PLXNA1: variants seen among roughly 807,000 people sequenced by gnomAD.
The protein encoded by PLXNA1 is plexin A1.
In PLXNA1, 77 loss-of-function variants were observed where a neutral mutation model predicts 191.7. The observed-to-expected ratio is 0.40, with a 90% CI of 0.33 to 0.49. The LOEUF is 0.49. Ranked by LOEUF, PLXNA1 falls within the 20% of genes least tolerant of loss-of-function variation. The pLI, the probability that PLXNA1 is intolerant of heterozygous loss-of-function variation, is 0.63. For synonymous variants in PLXNA1, 1,137 were observed against 1,156.4 expected (o/e 0.98, Z 0.34); for missense variants, 2,110 against 2,660.2 (o/e 0.79, Z 4.55).
chr3:127,010,347 TGTCAGA>T lies in PLXNA1; in HGVS notation c.2113-1599_2113-1594del, dbSNP rs550483794. On this transcript the variant is annotated intron_variant, in intron 9 of 31. Coordinates refer to ENST00000393409, the MANE Select transcript of PLXNA1 (RefSeq NM_032242.4). ...GAGACCCACGCCACTGCAGGCCTCC[TGTCAGA>T]GTCAGAGTCAGGCCAGGTCGAGTCA... Among the ~76,000 whole-genome samples the T allele has an allele frequency of 9.2e-5, 14 of 152,326 alleles. No homozygotes were observed. In the East Asian group the frequency reaches 2.3e-3, roughly 25 times the overall value.
chr3:127,014,958 T>C, intron 14 of PLXNA1, 127 bp downstream of exon 14: 1 of 1,446,200 alleles, frequency 6.9e-7, no homozygotes, highest in South Asian at 1.4e-5. Flanking sequence ...ACGGCCTGGG[T>C]GCTGCCCCTC....
intron 3 of PLXNA1, among the ~76,000 whole-genome samples, chr3:126,997,393 G>A (rs1045828515): frequency 1.3e-5 from 2 of 152,208 alleles, no homozygotes; most frequent in Non-Finnish European, 2.9e-5. Context: ...CAGCATGTGG[G>A]GTCAATGGGC....
chr3:127,018,573 C>T (rs1432037308), intron 20 of PLXNA1, 45 bp downstream of exon 20: 2 of 1,497,186 alleles, frequency 1.3e-6, no homozygotes, highest in African/African-American at 2.7e-5. Flanking sequence ...CACCTCCGAG[C>T]CAGGCCCTGG....
At chr3:127,033,627 A>T (rs1370108981) in intron 31 of PLXNA1, among the ~76,000 whole-genome samples, 1 of 152,138 alleles carries the variant, frequency 6.6e-6, no homozygotes, top group East Asian at 1.9e-4. Context: ...CTCTGCTTTA[A>T]AGGGGCACAG....
At chr3:127,013,138 G>C (rs1035236724) in intron 10 of PLXNA1, among the ~76,000 whole-genome samples, 5 of 152,146 alleles carry the variant, frequency 3.3e-5, no homozygotes, top group Non-Finnish European at 7.4e-5. Flanking sequence ...CAGCCATGAG[G>C]ATCACTCCTG....
intron 7 of PLXNA1, among the ~76,000 whole-genome samples, chr3:127,005,466 C>T (rs564715766): frequency 4.6e-5 from 7 of 152,302 alleles, no homozygotes; most frequent in Admixed American, 3.9e-4. Context: ...AGGTGGACAG[C>T]GGATACATCC....
chr3:127,024,830 C>G (rs1383817318), intron 23 of PLXNA1, among the ~76,000 whole-genome samples: 1 of 152,148 alleles, frequency 6.6e-6, no homozygotes, highest in Non-Finnish European at 1.5e-5. Context: ...AGGGCTGTTT[C>G]CATCCACATA....
chr3:127,008,048 T>A, intron 9 of PLXNA1, 135 bp downstream of exon 9: 1 of 597,478 alleles, frequency 1.7e-6, no homozygotes, highest in South Asian at 2.2e-5. Flanking sequence ...GTGTGGTGCA[T>A]GCACCACCAG....
At position 127,004,898 on chromosome 3, in the gene PLXNA1, G is replaced by A; in HGVS notation, c.1633G>A (p.Asp545Asn). The change falls in exon 6 of 32, where the codon GAC (aspartate) becomes AAC (asparagine). Residue 545 changes from aspartate to asparagine, a missense_variant. Around this residue, in one of 4 missense-constraint regions of PLXNA1, gnomAD observed 903 missense variants for 1,015.7 expected, o/e 0.89. Coordinates refer to ENST00000393409, the MANE Select transcript of PLXNA1 (RefSeq NM_032242.4). The part of the protein sequence containing the change: ...CVLHSICSRR[D>N]ACERADEPQR... ...CTCTGCCTGCAGCTGCTCGCGGCGGGACGCCTGTGAGCGAGCAGACGAGCC... is the reference window on the plus strand; with the variant it reads ...CTCTGCCTGCAGCTGCTCGCGGCGGAACGCCTGTGAGCGAGCAGACGAGCC... The A allele has an allele frequency of 6.2e-7, 1 of 1,600,380 alleles. No homozygotes were observed. Among genetic ancestry groups the A allele is most frequent in the Non-Finnish European group, 8.5e-7 (1 of 1,171,596 alleles).
At chr3:126,996,554 G>C (rs888518361) in intron 3 of PLXNA1, among the ~76,000 whole-genome samples, 1 of 152,186 alleles carries the variant, frequency 6.6e-6, no homozygotes, top group African/African-American at 2.4e-5. Context: ...CTGTGCCAGG[G>C]ATGTGGTAGG....
chr3:127,036,237 A>C lies in PLXNA1; in HGVS notation c.*2220A>C, dbSNP rs1156247448. On this transcript the variant is annotated 3_prime_UTR_variant, in exon 32 of 32. Transcript: ENST00000393409. Reference sequence around the variant, plus strand: ...TCTTCCAGTTCCTCACGGGTTAGGTAGGGGCTCCTGCATCACCTTCAGAAT... The same window carrying C: ...TCTTCCAGTTCCTCACGGGTTAGGTCGGGGCTCCTGCATCACCTTCAGAAT... 1.3e-5 allele frequency: 2 copies of C among 152,536 alleles called. No homozygotes were observed. The highest frequency in any genetic ancestry group is 3.9e-4 in the East Asian group (2 of 5,182). The allele number at this position is 152,536 out of a possible 1,614,324, so 9.4% of individuals were successfully genotyped here.
chr3:127,006,017 C>T, intron 7 of PLXNA1, 62 bp from the exon 8 acceptor site: 1 of 1,291,496 alleles, frequency 7.7e-7, no homozygotes, highest in Non-Finnish European at 1.1e-6. Context: ...CCTGTCTGGA[C>T]TTGCCCTGTG....
At position 126,988,738 on chromosome 3, in the gene PLXNA1, T is replaced by C; in HGVS notation, c.145T>C (p.Trp49Arg). The C allele has an allele frequency of 1.3e-6, 2 of 1,587,620 alleles. No individual in the cohort carries two copies. ...PPFRTFSASD[W>R]GLTHLVVHEQ... ...CTTCCGCACCTTCTCGGCCAGCGAC[T>C]GGGGCCTCACCCACCTAGTGGTGCA... Residue 49 changes from tryptophan to arginine, a missense_variant, in exon 2 of 32, where the codon TGG becomes CGG. Around this residue, in one of 4 missense-constraint regions of PLXNA1, gnomAD observed 903 missense variants for 1,015.7 expected, o/e 0.89. Transcript: ENST00000393409.
intron 3 of PLXNA1, among the ~76,000 whole-genome samples, chr3:127,000,878 G>A (rs1355009157): frequency 6.6e-6 from 1 of 152,218 alleles, no homozygotes; most frequent in African/African-American, 2.4e-5. Context: ...GTGCTGTGCC[G>A]TAGTGGCCTC....
In PLXNA1 at chr3:126,989,601, G is replaced by A. The variant is rs1194610730; in HGVS notation, c.1008G>A (p.Val336=). ...HQLGLAEDED[V]LFTVFAQGQK... is the part of the protein sequence containing the mutation. ...TGGGCCTGGCTGAGGACGAGGACGT[G>A]CTGTTCACTGTGTTCGCCCAGGGCC... The change falls in exon 2 of 32, where the codon GTG becomes GTA. Residue 336 remains valine (V), a synonymous_variant. Transcript: ENST00000393409. 6.2e-7 allele frequency: 1 copy of A among 1,613,240 alleles called. No homozygotes were observed. Among genetic ancestry groups the A allele is most frequent in the Admixed American group, 1.7e-5 (1 of 60,032 alleles).
Position 127,022,245 on chromosome 3 carries a change from A to T in PLXNA1, c.4199A>T (p.Glu1400Val), listed in dbSNP as rs1474808924. ...ASLIMTALQG[E>V]MEYATGVLKQ... The stretch of plus-strand genomic sequence containing the variant: ...CTCATCATGACGGCCCTGCAGGGCG[A>T]GATGGAATACGCCACAGGCGTGCTC... The change falls in exon 22 of 32, where the codon GAG becomes GTG. Residue 1400 changes from glutamate to valine, a missense_variant. Around this residue, in one of 4 missense-constraint regions of PLXNA1, gnomAD observed 559 missense variants for 911.5 expected, o/e 0.61. Transcript: ENST00000393409. 1 of 1,613,400 alleles carries T rather than the reference A, an allele frequency of 6.2e-7. No individual in the cohort carries two copies.
chr3:126,990,894 C>G (rs769495392), intron 2 of PLXNA1, among the ~76,000 whole-genome samples: 4 of 152,180 alleles, frequency 2.6e-5, no homozygotes, highest in Non-Finnish European at 5.9e-5. Flanking sequence ...GTGCCCTGCC[C>G]CAAGGCTGGG....
At position 127,033,230 on chromosome 3, in the gene PLXNA1, G is replaced by C. The variant is rs527587099; in HGVS notation, c.5595+394G>C. On this transcript the variant is annotated intron_variant, in intron 31 of 31. Transcript: ENST00000393409. The stretch of plus-strand genomic sequence containing the variant: ...CTTTCCTTTCAGTATCTTTTCTGCT[G>C]ACTTGGAGTGAGGCCACGTACATGG... Among the ~76,000 whole-genome samples, 259 of 152,118 alleles carry C rather than the reference G, an allele frequency of 1.7e-3. 1 individual carries two copies. Among genetic ancestry groups the C allele is most frequent in the South Asian group, 0.012 (58 of 4,814 alleles).
At chr3:126,985,750 C>T (rs2078955514) in intron 1 of PLXNA1, among the ~76,000 whole-genome samples, 3 of 152,232 alleles carry the variant, frequency 2.0e-5, no homozygotes, top group African/African-American at 7.2e-5. Flanking sequence ...GCTGGCTGGT[C>T]CAGTCTCTGG....
Sources: gnomAD v4.1 joint callset for allele counts (sites outside exome capture counted in the v4.1 genomes callset) on GRCh38, gnomAD v4.1.1 for gene constraint, gnomAD v4.1.1 regional missense constraint, MANE v1.5 for transcripts, NCBI Gene and HGNC (gene_info 2026-07-23, HGNC 2026-07-21) for gene names.